WDFY2: variants seen among roughly 807,000 people sequenced by gnomAD.
WDFY2 encodes WD repeat and FYVE domain containing 2.
Under a neutral mutation model 56.4 loss-of-function variants are expected in WDFY2, and 36 were observed. The ratio of observed to expected loss-of-function variants is 0.64; its 90% CI spans 0.49 to 0.84. The LOEUF is 0.84. Ranked by LOEUF, WDFY2 falls within the 40% of genes least tolerant of loss-of-function variation. The pLI is 0.00. For synonymous variants in WDFY2, 176 were observed against 183.7 expected, an observed-to-expected ratio of 0.96 and a Z score of 0.34; for missense variants, 444 against 512.2, an observed-to-expected ratio of 0.87 and a Z score of 1.29.
intron 1 of WDFY2, among the ~76,000 whole-genome samples, chr13:51,636,788 C>T (rs73494124): frequency 4.9e-4 from 75 of 152,220 alleles, no homozygotes; most frequent in African/African-American, 1.7e-3. Context: ...AAGGGACCCA[C>T]GTTTATATGG....
chr13:51,613,042 AG>A (rs1954533881), intron 1 of WDFY2, among the ~76,000 whole-genome samples: 1 of 152,058 alleles, frequency 6.6e-6, no homozygotes, highest in Non-Finnish European at 1.5e-5. Context: ...CTGATCATGA[AG>A]AAGCTGCAGC....
chr13:51,725,041 G>T (rs1258157923), intron 5 of WDFY2, among the ~76,000 whole-genome samples: 3 of 152,148 alleles, frequency 2.0e-5, no homozygotes, highest in Non-Finnish European at 4.4e-5. Flanking sequence ...ATAAATGTGT[G>T]TGTATTTTTT....
At chr13:51,631,423 A>G (rs768974671) in intron 1 of WDFY2, among the ~76,000 whole-genome samples, 77 of 151,790 alleles carry the variant, frequency 5.1e-4, no homozygotes, top group Non-Finnish European at 8.7e-4. Flanking sequence ...AAAAAGAAGG[A>G]AAACAATTCT....
At chr13:51,697,436 C>T (rs1463127586) in intron 3 of WDFY2, among the ~76,000 whole-genome samples, 1 of 152,086 alleles carries the variant, frequency 6.6e-6, no homozygotes, top group Admixed American at 6.5e-5. Flanking sequence ...AGTTCAAGAG[C>T]AGCCTGGGTA....
At chr13:51,645,189 T>C (rs755767882) in intron 1 of WDFY2, among the ~76,000 whole-genome samples, 1 of 151,990 alleles carries the variant, frequency 6.6e-6, no homozygotes, top group South Asian at 2.1e-4. Flanking sequence ...ATCCTGTTGC[T>C]CAAAGTTTTT....
chr13:51,758,273 G>T lies in WDFY2; in HGVS notation c.1146G>T (p.Leu382=). ...TCGATGCAACCAGAGGATGGTTACT[G>T]ACTTCTGGAACTGACAAGGTTATTA... ...VHFDATRGWL[L]TSGTDKVIKL... Residue 382 remains leucine, a synonymous_variant, in exon 11 of 12, where the codon CTG becomes CTT. Transcript: ENST00000298125. 1 of 1,598,756 alleles carries T rather than the reference G, an allele frequency of 6.3e-7. No individual in the cohort carries two copies. Among genetic ancestry groups the T allele is most frequent in the South Asian group, 1.1e-5 (1 of 89,670 alleles).
At chr13:51,641,595 G>A (rs1955159655) in intron 1 of WDFY2, among the ~76,000 whole-genome samples, 1 of 150,716 alleles carries the variant, frequency 6.6e-6, no homozygotes, top group African/African-American at 2.4e-5. Context: ...GGGAGGCCGA[G>A]GCGGGCGGAT....
In WDFY2 at chr13:51,584,870, G is replaced by A. The variant is rs1482017574; in HGVS notation, c.137+46G>A. The A allele has an allele frequency of 3.1e-6, 5 of 1,605,364 alleles. No individual in the cohort carries two copies. The African/African-American group carries it at 4.0e-5, about 13-fold the overall frequency. On this transcript the variant is annotated intron_variant, in intron 1 of 11. Coordinates refer to ENST00000298125, the MANE Select transcript of WDFY2 (RefSeq NM_052950.4). Reference sequence around the variant, plus strand: ...GCCGCGAGGAGGGGCGGGACGGGCCGACGGCCCTCGAGCCCGCGTCAGGGG... The same window carrying A: ...GCCGCGAGGAGGGGCGGGACGGGCCAACGGCCCTCGAGCCCGCGTCAGGGG...
At position 51,667,879 on chromosome 13, in the gene WDFY2, C is replaced by CTTTTTTTTT. The variant is rs66771214; in HGVS notation, c.205+7238_205+7246dup. Among the ~76,000 whole-genome samples, 191 of 50,046 alleles carry CTTTTTTTTT rather than the reference C, an allele frequency of 3.8e-3. 34 individuals are homozygous for CTTTTTTTTT. The highest frequency in any genetic ancestry group is 8.5e-3 in the African/African-American group (85 of 10,030). 32.8% of individuals were successfully genotyped at this position (50,046 alleles called of 152,430 possible). A position where few individuals can be genotyped will look rare whatever the true frequency, so the allele number is the denominator to read the frequency against. On this transcript the variant is annotated intron_variant, in intron 2 of 11. Transcript: ENST00000298125. ...GAAGAAAAAGGTACCTGAGGAACTT[C>CTTTTTTTTT]TTTTTTTTTTTTTTTTTTTTTTTTT...
In WDFY2 at chr13:51,625,061, G is replaced by T. The variant is rs998263516; in HGVS notation, c.138-35535G>T. Reference sequence around the variant, plus strand: ...TTCACTCATTTTGGTAGTATCAACTGACTGTTGTGTGACAGCTAACTAGGT... The same window carrying T: ...TTCACTCATTTTGGTAGTATCAACTTACTGTTGTGTGACAGCTAACTAGGT... On this transcript the variant is annotated intron_variant, in intron 1 of 11. Coordinates refer to ENST00000298125, the MANE Select transcript of WDFY2 (RefSeq NM_052950.4). 2.6e-5 allele frequency among the ~76,000 whole-genome samples: 4 copies of T among 152,208 alleles called. No individual in the cohort carries two copies. The East Asian group carries it at 7.7e-4, about 29-fold the overall frequency.
intron 1 of WDFY2, among the ~76,000 whole-genome samples, chr13:51,623,982 A>G (rs1473659052): frequency 6.6e-6 from 1 of 152,166 alleles, no homozygotes; most frequent in Non-Finnish European, 1.5e-5. Context: ...CCGTGTTCCC[A>G]GTTTTGCTCA....
chr13:51,676,925 G>A (rs918939448), intron 3 of WDFY2, among the ~76,000 whole-genome samples: 1 of 152,170 alleles, frequency 6.6e-6, no homozygotes, highest in African/African-American at 2.4e-5. Context: ...AACAGTTATA[G>A]GATAGTTTGC....
At chr13:51,605,390 TTG>T (rs1298767595) in intron 1 of WDFY2, among the ~76,000 whole-genome samples, 1 of 152,156 alleles carries the variant, frequency 6.6e-6, no homozygotes, top group Non-Finnish European at 1.5e-5. Flanking sequence ...ATCTCAAAGT[TTG>T]TGAGGATTAA....
At chr13:51,751,234 A>T in intron 7 of WDFY2, 76 bp from the exon 8 acceptor site, 6 of 1,457,922 alleles carry the variant, frequency 4.1e-6, no homozygotes, top group Non-Finnish European at 5.6e-6. Flanking sequence ...ACATTGGCTG[A>T]CTTTGCCAAG....
intron 2 of WDFY2, among the ~76,000 whole-genome samples, chr13:51,665,527 T>C (rs1251428537): frequency 6.6e-6 from 1 of 152,244 alleles, no homozygotes; most frequent in African/African-American, 2.4e-5. Context: ...ATATTTACTT[T>C]ACAAACTAGG....
chr13:51,744,822 A>G (rs144834465), intron 7 of WDFY2, among the ~76,000 whole-genome samples: 1 of 152,360 alleles, frequency 6.6e-6, no homozygotes, highest in African/African-American at 2.4e-5. Flanking sequence ...GTTAGAAGGT[A>G]TCTGTTCATT....
intron 4 of WDFY2, among the ~76,000 whole-genome samples, chr13:51,705,093 C>T (rs1031059872): frequency 1.3e-5 from 2 of 152,186 alleles, no homozygotes; most frequent in Non-Finnish European, 1.5e-5. Context: ...ATGTTGTGAG[C>T]TGCCCTGTGG....
chr13:51,652,756 G>A (rs976996760), intron 1 of WDFY2, among the ~76,000 whole-genome samples: 1 of 152,336 alleles, frequency 6.6e-6, no homozygotes. Flanking sequence ...GGCTTGCAGA[G>A]TTTGTGCCGA....
At chr13:51,631,968 A>G (rs764762271) in intron 1 of WDFY2, among the ~76,000 whole-genome samples, 11 of 152,160 alleles carry the variant, frequency 7.2e-5, no homozygotes, top group Non-Finnish European at 1.3e-4. Flanking sequence ...ATTTCTACAG[A>G]TAAGGTATGT....
Sources: gnomAD v4.1 joint callset for allele counts (sites outside exome capture counted in the v4.1 genomes callset) on GRCh38, gnomAD v4.1.1 for gene constraint, MANE v1.5 for transcripts, NCBI Gene and HGNC (gene_info 2026-07-23, HGNC 2026-07-21) for gene names.